C1QTNF1: variants seen among roughly 807,000 people sequenced by gnomAD.
C1QTNF1 encodes the protein complement C1q tumor necrosis factor-related protein 1.
In C1QTNF1, 22 loss-of-function variants were observed where a neutral mutation model predicts 27.8. That is an observed-to-expected ratio of 0.79 (90% CI 0.56 to 1.13). The LOEUF is 1.13. C1QTNF1 is among the 50% of genes most tolerant of loss of function. C1QTNF1 has a pLI of 0.00. For synonymous variants in C1QTNF1, 166 were observed against 154.3 expected (o/e 1.08, Z -0.56); for missense variants, 373 against 380.2 (o/e 0.98, Z 0.16).
Position 79,043,953 on chromosome 17 carries a change from AG to A in C1QTNF1, c.-13del. ...CTTCCCTGTGTGTTTCTTTCCCACC[AG>A]GGCCCGGCAGGAAGATGGGCTCCCG... On this transcript the variant is annotated splice_acceptor_variant, in intron 1 of 3. Coordinates refer to ENST00000579760, the MANE Select transcript of C1QTNF1 (RefSeq NM_030968.5). LOFTEE classifies it low-confidence loss of function (5UTR_SPLICE). 3.1e-6 allele frequency: 5 copies of A among 1,613,352 alleles called. No individual in the cohort carries two copies. The highest frequency in any genetic ancestry group is 4.2e-6 in the Non-Finnish European group (5 of 1,179,684).
In C1QTNF1 at chr17:79,047,999, G is replaced by A. The variant is rs2145937891; in HGVS notation, c.757G>A (p.Gly253Ser). Reference sequence around the variant, plus strand: ...CCAGGTGTGGGTACGCCTCTACAAGGGCGAACGTGAGAACGCCATCTTCAG... The same window carrying A: ...CCAGGTGTGGGTACGCCTCTACAAGAGCGAACGTGAGAACGCCATCTTCAG... Reference protein sequence around the residue: ...QDQVWVRLYKGERENAIFSEE... With the variant: ...QDQVWVRLYKSERENAIFSEE... Residue 253 changes from glycine (G) to serine (S), a missense_variant, in exon 4 of 4, where the codon GGC (glycine) becomes AGC (serine). Physicochemically the swap from Gly to Ser is moderately conservative, Grantham distance 56. Transcript: ENST00000579760. 6.2e-7 allele frequency: 1 copy of A among 1,611,710 alleles called. No individual in the cohort carries two copies. The highest frequency in any genetic ancestry group is 1.7e-4 in the Middle Eastern group (1 of 6,058).
chr17:79,036,620 T>G (rs1406745068), intron 1 of C1QTNF1, among the ~76,000 whole-genome samples: 1 of 152,242 alleles, frequency 6.6e-6, no homozygotes, highest in South Asian at 2.1e-4. Flanking sequence ...TTCTAGAATG[T>G]TACCCACTTA....
At chr17:79,027,003 G>T (rs1599275644) in intron 1 of C1QTNF1, among the ~76,000 whole-genome samples, 1 of 150,378 alleles carries the variant, frequency 6.6e-6, no homozygotes, top group Admixed American at 6.9e-5. Flanking sequence ...AAGATGAAAA[G>T]AATTTCATAG....
At chr17:79,047,219 ATTTTCTTTTTTTTC>A (rs1166242163) in intron 3 of C1QTNF1, 1 of 319,268 alleles carries the variant, frequency 3.1e-6, no homozygotes, top group Non-Finnish European at 5.6e-6. Context: ...CGTATGTTCC[ATTTTCTTTTTTTTC>A]TTTTCTTTTT....
At position 79,047,753 on chromosome 17, in the gene C1QTNF1, T is replaced by C. The variant is rs750691892; in HGVS notation, c.511T>C (p.Phe171Leu). ...YYQTVIFDTE[F>L]VNLYDHFNMF... Reference sequence around the variant, plus strand: ...CCAGACGGTGATCTTCGACACGGAGTTCGTGAACCTCTACGACCACTTCAA... The same window carrying C: ...CCAGACGGTGATCTTCGACACGGAGCTCGTGAACCTCTACGACCACTTCAA... The change falls in exon 4 of 4, where the codon TTC becomes CTC. Residue 171 changes from phenylalanine (F) to leucine (L), a missense_variant. Phe to Leu is a conservative substitution (Grantham distance 22). Transcript: ENST00000579760. The C allele has an allele frequency of 3.7e-6, 6 of 1,613,676 alleles. No individual in the cohort carries two copies. Among genetic ancestry groups the C allele is most frequent in the Non-Finnish European group, 5.1e-6 (6 of 1,179,934 alleles).
Position 79,044,092 on chromosome 17 carries a change from G to T in C1QTNF1, c.124G>T (p.Glu42Ter). The T allele has an allele frequency of 6.2e-7, 1 of 1,613,626 alleles. No homozygotes were observed. Among genetic ancestry groups the T allele is most frequent in the South Asian group, 1.1e-5 (1 of 91,016 alleles). ...GEQQEWEGTE[E>*]LPSPPDHAER... Reference sequence around the variant, plus strand: ...ACAGCAGGAGTGGGAGGGGACTGAGGAGCTGCCGTCGCCTCCGGACCATGC... The same window carrying T: ...ACAGCAGGAGTGGGAGGGGACTGAGTAGCTGCCGTCGCCTCCGGACCATGC... The change falls in exon 2 of 4, where the codon GAG (glutamate) becomes TAG (stop). Residue 42 changes from glutamate (E) to a stop codon, truncating the protein, a stop_gained. Coordinates refer to ENST00000579760, the MANE Select transcript of C1QTNF1 (RefSeq NM_030968.5). LOFTEE classifies it high-confidence loss of function.
chr17:79,047,546 G>T lies in C1QTNF1; in HGVS notation c.304G>T (p.Gly102Cys). ...INITILKGEK[G>C]DRGDRGLQGK... The stretch of plus-strand genomic sequence containing the variant: ...TTTCCCATCCCTTTTAGGGGAGAAG[G>T]GTGACCGCGGAGATCGAGGCCTCCA... Residue 102 changes from glycine (G) to cysteine (C), a missense_variant, in exon 4 of 4, where the codon GGT becomes TGT. Coordinates refer to ENST00000579760, the MANE Select transcript of C1QTNF1 (RefSeq NM_030968.5). The T allele has an allele frequency of 6.6e-7, 1 of 1,525,006 alleles. No homozygotes were observed. Among genetic ancestry groups the T allele is most frequent in the Non-Finnish European group, 8.8e-7 (1 of 1,138,238 alleles). 94.5% of individuals were successfully genotyped at this position (1,525,006 alleles called of 1,614,324 possible). A position where few individuals can be genotyped will look rare whatever the true frequency, so the allele number is the denominator to read the frequency against.
Position 79,043,979 on chromosome 17 carries a change from G to A in C1QTNF1, c.11G>A (p.Arg4His), listed in dbSNP as rs1266488389. The change falls in exon 2 of 4, where the codon CGT (arginine) becomes CAT (histidine). Residue 4 changes from arginine (R) to histidine (H), a missense_variant. Coordinates refer to ENST00000579760, the MANE Select transcript of C1QTNF1 (RefSeq NM_030968.5). ...GGGCCCGGCAGGAAGATGGGCTCCC[G>A]TGGACAGGGACTCTTGCTGGCGTAC... Reference protein sequence around the residue: MGSRGQGLLLAYCL... With the variant: MGSHGQGLLLAYCL... 3 of 1,613,940 alleles carry A rather than the reference G, an allele frequency of 1.9e-6. No homozygotes were observed. Among genetic ancestry groups the A allele is most frequent in the Non-Finnish European group, 2.5e-6 (3 of 1,180,028 alleles).
intron 1 of C1QTNF1, among the ~76,000 whole-genome samples, chr17:79,029,263 G>A (rs2072063055): frequency 2.0e-5 from 3 of 152,202 alleles, no homozygotes; most frequent in Admixed American, 1.3e-4. Flanking sequence ...GGGAGGAGGA[G>A]GAGCCTATGC....
chr17:79,023,966 C>T (rs1227115758), upstream of C1QTNF1: 1 of 152,336 alleles, frequency 6.6e-6, no homozygotes, highest in South Asian at 2.1e-4. Flanking sequence ...GTCCGGGGCT[C>T]GCAGCCCCTC....
chr17:79,045,993 C>G (rs1216133608), intron 2 of C1QTNF1, among the ~76,000 whole-genome samples: 1 of 152,102 alleles, frequency 6.6e-6, no homozygotes, highest in East Asian at 1.9e-4. Flanking sequence ...ACAGCCTGGG[C>G]AAGAAGAGCC....
In C1QTNF1 at chr17:79,048,139, T is replaced by TGACCCCAGGGCTCAGCACCAGGCG; in HGVS notation, c.*58_*59insGGGCTCAGCACCAGGCGGACCCCA. 7.0e-7 allele frequency: 1 copy of TGACCCCAGGGCTCAGCACCAGGCG among 1,438,080 alleles called. No homozygotes were observed. Among genetic ancestry groups the TGACCCCAGGGCTCAGCACCAGGCG allele is most frequent in the Non-Finnish European group, 9.1e-7 (1 of 1,094,042 alleles). 89.1% of individuals were successfully genotyped at this position (1,438,080 alleles called of 1,614,324 possible). A position where few individuals can be genotyped will look rare whatever the true frequency, so the allele number is the denominator to read the frequency against. ...GCCACCTTCCACCCCTGCGCTGTGC[T>TGACCCCAGGGCTCAGCACCAGGCG]GACCCCACCGCCTCTTCCCCGATCC... On this transcript the variant is annotated 3_prime_UTR_variant, in exon 4 of 4. Transcript: ENST00000579760.
intron 1 of C1QTNF1, among the ~76,000 whole-genome samples, chr17:79,036,141 C>A (rs2072259813): frequency 6.6e-6 from 1 of 152,246 alleles, no homozygotes; most frequent in African/African-American, 2.4e-5. Context: ...CTATTCTATA[C>A]TTTCCAACAT....
At chr17:79,042,804 G>A (rs546450585) in intron 1 of C1QTNF1, among the ~76,000 whole-genome samples, 135 of 152,384 alleles carry the variant, frequency 8.9e-4, no homozygotes, top group African/African-American at 3.1e-3. Flanking sequence ...CTGACTGGCT[G>A]AGGCTCTGGG....
chr17:79,039,776 A>G, intron 1 of C1QTNF1, among the ~76,000 whole-genome samples: 1 of 151,022 alleles, frequency 6.6e-6, no homozygotes. Context: ...ACCTCTCTTA[A>G]ATAAATATGT....
rs966738340 is a variant in C1QTNF1 at position 79,030,702 on chromosome 17, C to T, written c.-15+6208C>T. On this transcript the variant is annotated intron_variant, in intron 1 of 3. Coordinates refer to ENST00000579760, the MANE Select transcript of C1QTNF1 (RefSeq NM_030968.5). Reference sequence around the variant, plus strand: ...GCAATCTCCATCTCCTGGGTTCAAGCGATTCTCCTGCCTCAGCCTTCCGAC... The same window carrying T: ...GCAATCTCCATCTCCTGGGTTCAAGTGATTCTCCTGCCTCAGCCTTCCGAC... Among the ~76,000 whole-genome samples the T allele has an allele frequency of 3.3e-5, 5 of 151,676 alleles. No homozygotes were observed. The East Asian group carries it at 5.8e-4, about 18-fold the overall frequency.
chr17:79,043,080 ATGTG>A (rs1347209711), intron 1 of C1QTNF1, among the ~76,000 whole-genome samples: 15 of 143,422 alleles, frequency 1.0e-4, no homozygotes, highest in African/African-American at 3.2e-4. Context: ...TGTGGGTTGC[ATGTG>A]TGTATGTGTG....
At chr17:79,028,292 G>A (rs1204359401) in intron 1 of C1QTNF1, among the ~76,000 whole-genome samples, 1 of 152,224 alleles carries the variant, frequency 6.6e-6, no homozygotes, top group East Asian at 1.9e-4. Context: ...GCTTTGGGTT[G>A]TACCCATCCC....
intron 2 of C1QTNF1, among the ~76,000 whole-genome samples, chr17:79,045,632 G>C (rs899466711): frequency 2.0e-5 from 3 of 152,138 alleles, no homozygotes; most frequent in African/African-American, 7.2e-5. Flanking sequence ...GATGCCGAAG[G>C]CTCCACCCTG....
Sources: allele counts gnomAD v4.1 joint callset (sites outside exome capture counted in the v4.1 genomes callset), GRCh38; gene constraint gnomAD v4.1.1; transcripts MANE v1.5; gene names NCBI Gene and HGNC (gene_info 2026-07-23, HGNC 2026-07-21).